Variants in QRICH2 observed in about 807,000 individuals in gnomAD.
QRICH2 encodes the protein glutamine-rich protein 2.
Under a neutral mutation model 168.3 loss-of-function variants are expected in QRICH2, and 119 were observed. The observed-to-expected ratio is 0.71, with a 90% confidence interval of 0.61 to 0.82. The LOEUF is 0.82. Ranked by LOEUF, QRICH2 falls within the 40% of genes least tolerant of loss-of-function variation. The pLI is 0.00. For missense variants in QRICH2, 2,241 were observed against 2,491.6 expected (o/e 0.90, Z 2.14); for synonymous variants, 894 against 951.2 (o/e 0.94, Z 1.11).
At chr17:76,275,980 G>T in intron 17 of QRICH2, 33 bp from the exon 18 acceptor site, 1 of 1,599,050 alleles carries the variant, frequency 6.3e-7, no homozygotes. Flanking sequence ...GGTCAGTGCT[G>T]AGGCAGCGGT....
chr17:76,278,458 A>C (rs1047895142), intron 14 of QRICH2, among the ~76,000 whole-genome samples: 2 of 152,226 alleles, frequency 1.3e-5, no homozygotes, highest in Non-Finnish European at 2.9e-5. Context: ...GGAGGAGCTG[A>C]GGGCAGCCCC....
Position 76,308,065 on chromosome 17 carries a change from G to A in QRICH2, c.-67C>T, listed in dbSNP as rs2071019200. On this transcript the variant is annotated 5_prime_UTR_variant, in exon 1 of 19. Coordinates refer to ENST00000680821, the MANE Select transcript of QRICH2 (RefSeq NM_001388453.1). ...AACCACTTCCCGCTCACTGCACGCC[G>A]CGCCTTGGGGCCTTTCGGGGGCCCT... The A allele has an allele frequency of 8.1e-7, 1 of 1,229,450 alleles. No homozygotes were observed. The highest frequency in any genetic ancestry group is 1.0e-6 in the Non-Finnish European group (1 of 986,526). The allele number at this position is 1,229,450 out of a possible 1,614,324, so 76.2% of individuals were successfully genotyped here. A position where few individuals can be genotyped will look rare whatever the true frequency, so the allele number is the denominator to read the frequency against.
At position 76,280,582 on chromosome 17, in the gene QRICH2, A is replaced by G; in HGVS notation, c.4461+72T>C. On this transcript the variant is annotated intron_variant, in intron 10 of 18. Transcript: ENST00000680821. The surrounding 1 kb of genome is among the most constrained non-coding windows in gnomAD (Gnocchi z 7.4). Reference sequence around the variant, plus strand: ...ACACTCGTCTCGCCAGCTCCCCTCCACTCAGTCTCTCAAAGAACAGTCAGC... The same window carrying G: ...ACACTCGTCTCGCCAGCTCCCCTCCGCTCAGTCTCTCAAAGAACAGTCAGC... 6.2e-7 allele frequency: 1 copy of G among 1,600,520 alleles called. No individual in the cohort carries two copies. Among genetic ancestry groups the G allele is most frequent in the Non-Finnish European group, 8.6e-7 (1 of 1,168,432 alleles).
intron 3 of QRICH2, among the ~76,000 whole-genome samples, chr17:76,299,955 C>T (rs1296281630): frequency 6.6e-6 from 1 of 151,712 alleles, no homozygotes; most frequent in Non-Finnish European, 1.5e-5. Context: ...CTCAGCCTCC[C>T]GAATAGCTGG....
rs564431023 is a variant in QRICH2, at chr17:76,280,853, C to T, written c.4364G>A (p.Arg1455Gln). 16 of 1,613,844 alleles carry T rather than the reference C, an allele frequency of 9.9e-6. No individual in the cohort carries two copies. Among genetic ancestry groups the T allele is most frequent in the African/African-American group, 2.7e-5 (2 of 75,020 alleles). Residue 1455 changes from arginine to glutamine, a missense_variant, in exon 9 of 19, where the codon CGG (arginine) becomes CAG (glutamine). Transcript: ENST00000680821. The surrounding 1 kb of genome is among the most constrained non-coding windows in gnomAD (Gnocchi z 7.4). ...ITTSNLIEDH[R>Q]QKQKDIAMLY... ...CACAGCAATGTCCTTCTGTTTCTGC[C>T]GATGGTCCTCGATGAGGTTGCTGGT... is the stretch of plus-strand genomic sequence containing the variant.
At chr17:76,297,142 G>A (rs1318349479) in intron 3 of QRICH2, among the ~76,000 whole-genome samples, 1 of 152,164 alleles carries the variant, frequency 6.6e-6, no homozygotes, top group East Asian at 1.9e-4. Context: ...ATAAAAGCAA[G>A]GCCTGAAGCA....
intron 16 of QRICH2, among the ~76,000 whole-genome samples, 176 bp downstream of exon 16, chr17:76,276,987 G>A (rs974217359): frequency 5.3e-5 from 8 of 152,234 alleles, no homozygotes; most frequent in African/African-American, 9.6e-5. Context: ...GCAGGTGGCC[G>A]GGGTGAATCT....
chr17:76,292,591 T>C lies in QRICH2; in HGVS notation c.2136A>G (p.Gln712=). 6.2e-7 allele frequency: 1 copy of C among 1,613,852 alleles called. No homozygotes were observed. Among genetic ancestry groups the C allele is most frequent in the Non-Finnish European group, 8.5e-7 (1 of 1,179,918 alleles). The change falls in exon 4 of 19, where the codon CAA becomes CAG. Residue 712 remains glutamine, a synonymous_variant. Transcript: ENST00000680821. ...QPGADQHGLV[Q]SGADQSDLAQ... ...CCAAATCACTCTGATCTGCACCAGA[T>C]TGTACCAAACCATGCTGATCTGCAC...
In QRICH2 at chr17:76,292,033, C is replaced by T. The variant is rs142298015; in HGVS notation, c.2694G>A (p.Gln898=). Residue 898 remains glutamine, a synonymous_variant, in exon 4 of 19, where the codon CAG becomes CAA. Transcript: ENST00000680821. The stretch of plus-strand genomic sequence containing the variant: ...CTGCACCAGGCTGGACCAAACCAGG[C>T]TGATCTGCACCAGGTTGGATCAAAC... The part of the protein sequence containing the change: ...QRGLIQPGAD[Q]PGLVQPGAGQ... 1.2e-6 allele frequency: 2 copies of T among 1,614,142 alleles called. No individual in the cohort carries two copies. The highest frequency in any genetic ancestry group is 1.7e-6 in the Non-Finnish European group (2 of 1,180,050).
At chr17:76,304,799 T>G in intron 2 of QRICH2, 83 bp downstream of exon 2, 1 of 1,024,328 alleles carries the variant, frequency 9.8e-7, no homozygotes. Context: ...CTGCCCTGGA[T>G]GGACAAGCCC....
rs548951096 is a variant in QRICH2, at chr17:76,287,013, G to GC, written c.4011+178dup. 5.1e-3 allele frequency among the ~76,000 whole-genome samples: 400 copies of GC among 78,814 alleles called. 2 individuals carry two copies. The highest frequency in any genetic ancestry group is 0.013 in the Middle Eastern group (2 of 150). The allele number at this position is 78,814 out of a possible 152,430, so 51.7% of individuals were successfully genotyped here. ...CTGGATCCTGGACACATTCGCCACC[G>GC]CCCCCCCACCCCCTGCCCACACACC... On this transcript the variant is annotated intron_variant, in intron 7 of 18. Transcript: ENST00000680821.
intron 5 of QRICH2, among the ~76,000 whole-genome samples, chr17:76,288,397 A>AG (rs1165611076): frequency 6.8e-6 from 1 of 146,378 alleles, no homozygotes; most frequent in East Asian, 2.0e-4. Flanking sequence ...AAAAAAAAAA[A>AG]AAAAAAAAAA....
rs1006655417 is a variant in QRICH2 at position 76,288,049 on chromosome 17, G to A, written c.3799-152C>T. The stretch of plus-strand genomic sequence containing the variant: ...CAGGAGCCCTTGTGGACATCCATCC[G>A]CCCATTCATCCATCCCATGGATGTA... On this transcript the variant is annotated intron_variant, in intron 5 of 18. Transcript: ENST00000680821. 62 of 641,300 alleles carry A rather than the reference G, an allele frequency of 9.7e-5. 2 individuals carry two copies. Among genetic ancestry groups the A allele is most frequent in the South Asian group, 6.3e-4 (35 of 55,788 alleles). 39.7% of individuals were successfully genotyped at this position (641,300 alleles called of 1,614,324 possible).
At position 76,275,906 on chromosome 17, in the gene QRICH2, GGGGCCT is replaced by G; in HGVS notation, c.5389_5394del (p.Arg1797_Pro1798del). The stretch of plus-strand genomic sequence containing the variant: ...CTGAGGGATGGCGGCCTGTGCACGT[GGGGCCT>G]GGGCTGCTGGGACTTGCGCTTTGAG... On this transcript the variant is annotated inframe_deletion, in exon 18 of 19. Transcript: ENST00000680821. 6.2e-7 allele frequency: 1 copy of G among 1,609,116 alleles called. No homozygotes were observed.
Position 76,294,159 on chromosome 17 carries a change from C to G in QRICH2, c.706-138G>C, listed in dbSNP as rs1249788882. 3 of 1,136,644 alleles carry G rather than the reference C, an allele frequency of 2.6e-6. No individual in the cohort carries two copies. In the Admixed American group the frequency reaches 8.5e-5, roughly 32 times the overall value. The allele number at this position is 1,136,644 out of a possible 1,614,324, so 70.4% of individuals were successfully genotyped here. A position where few individuals can be genotyped will look rare whatever the true frequency, so the allele number is the denominator to read the frequency against. ...AAGCCCTCTGGTCCTAAAAGCTAAG[C>G]TTGACATAAAGAAACACACTGATGG... On this transcript the variant is annotated intron_variant, in intron 3 of 18. Coordinates refer to ENST00000680821, the MANE Select transcript of QRICH2 (RefSeq NM_001388453.1).
chr17:76,300,043 G>C (rs1268348726), intron 3 of QRICH2, among the ~76,000 whole-genome samples: 1 of 151,958 alleles, frequency 6.6e-6, no homozygotes, highest in South Asian at 2.1e-4. Context: ...TGTTGGTCAG[G>C]ATGGTCTCGA....
chr17:76,287,098 G>C, intron 7 of QRICH2, 94 bp downstream of exon 7: 1 of 665,542 alleles, frequency 1.5e-6, no homozygotes, highest in Non-Finnish European at 2.7e-6. Flanking sequence ...ATGATGGGAG[G>C]GACCTAGTTT....
Position 76,278,101 on chromosome 17 carries a change from G to C in QRICH2, c.5005C>G (p.Leu1669Val). ...ATCTGCACCTTCTCAATGTTCATCA[G>C]CATCTTGGAGTGCATGGAGCGCAGG... ...GRLRSMHSKMLMNIEKVQIHF... is the reference protein window; with the variant it reads ...GRLRSMHSKMVMNIEKVQIHF... Residue 1669 changes from leucine to valine, a missense_variant, in exon 15 of 19, where the codon CTG becomes GTG. This residue lies in a region of QRICH2 where 2,047 missense variants were observed against 2,303.8 expected (regional missense o/e 0.89). Transcript: ENST00000680821. 6.2e-7 allele frequency: 1 copy of C among 1,613,760 alleles called. No homozygotes were observed. The highest frequency in any genetic ancestry group is 8.5e-7 in the Non-Finnish European group (1 of 1,180,038).
intron 3 of QRICH2, among the ~76,000 whole-genome samples, chr17:76,303,264 TG>T (rs1196012712): frequency 1.3e-5 from 2 of 152,112 alleles, no homozygotes; most frequent in East Asian, 3.9e-4. Flanking sequence ...GATCCCAGGT[TG>T]TTTTTTGTAC....
Sources: gnomAD v4.1 joint callset for allele counts (sites outside exome capture counted in the v4.1 genomes callset) on GRCh38, gnomAD v4.1.1 for gene constraint, gnomAD v4.1.1 regional missense constraint, Gnocchi (gnomAD v3.1) non-coding constraint, MANE v1.5 for transcripts, NCBI Gene and HGNC (gene_info 2026-07-23, HGNC 2026-07-21) for gene names.